The following JMJD1C variants were observed in gnomAD, a reference collection of about 807,000 sequenced individuals.
JMJD1C encodes the protein jumonji domain-containing protein 1C.
A neutral mutation model predicts 245.3 loss-of-function variants in JMJD1C; 31 were observed. That is an observed-to-expected ratio of 0.13 (90% CI 0.09 to 0.17). The LOEUF is 0.17. Among genes scored for constraint, JMJD1C ranks in the 10% least tolerant of loss-of-function variants. The pLI is 1.00. For missense variants in JMJD1C, 2,691 were observed against 3,000.2 expected, an observed-to-expected ratio of 0.90 and a Z score of 2.41; for synonymous variants, 1,057 against 1,017.4, an observed-to-expected ratio of 1.04 and a Z score of -0.74.
At position 63,332,632 on chromosome 10, in the gene JMJD1C, A is replaced by G. The variant is rs564060238; in HGVS notation, c.333+47686T>C. 2.6e-5 allele frequency among the ~76,000 whole-genome samples: 4 copies of G among 152,348 alleles called. No individual in the cohort carries two copies. In the South Asian group the frequency reaches 8.3e-4, roughly 32 times the overall value. On this transcript the variant is annotated intron_variant, in intron 2 of 25. Transcript: ENST00000399262. ...TCCAGGTTTCTCAATTACAAAACGG[A>G]GATATCTTACATGTTACTTAAATGC... is the stretch of plus-strand genomic sequence containing the variant.
chr10:63,169,051 G>A (rs1188153802), intron 24 of JMJD1C, among the ~76,000 whole-genome samples: 1 of 152,168 alleles, frequency 6.6e-6, no homozygotes, highest in African/African-American at 2.4e-5. Context: ...GGAAAATGTA[G>A]TCCCAGACAG....
chr10:63,328,287 A>G (rs1212323048), intron 2 of JMJD1C, among the ~76,000 whole-genome samples: 18 of 151,390 alleles, frequency 1.2e-4, no homozygotes, highest in Admixed American at 1.1e-3. Context: ...AAGAAAAAAA[A>G]AAAGAAAGAA....
chr10:63,287,129 T>C (rs1341247760), intron 2 of JMJD1C, among the ~76,000 whole-genome samples: 1 of 152,142 alleles, frequency 6.6e-6, no homozygotes. Flanking sequence ...TTGCAATACA[T>C]ACAAACCCCA....
intron 1 of JMJD1C, among the ~76,000 whole-genome samples, chr10:63,386,052 C>T (rs768688327): frequency 5.3e-5 from 8 of 151,974 alleles, no homozygotes; most frequent in Non-Finnish European, 8.8e-5. Context: ...TCTTTGGATG[C>T]AGGCTAACCC....
At chr10:63,354,049 C>T (rs10761749) in intron 2 of JMJD1C, among the ~76,000 whole-genome samples, 93,055 of 151,898 alleles carry the variant, frequency 0.61, 31,160 homozygotes, top group Non-Finnish European at 0.77. Flanking sequence ...CCATGTTGGC[C>T]AGGATGGTCT....
At chr10:63,312,573 C>T (rs1384424266) in intron 2 of JMJD1C, among the ~76,000 whole-genome samples, 3 of 152,060 alleles carry the variant, frequency 2.0e-5, no homozygotes, top group African/African-American at 4.8e-5. Context: ...TTCTTTCTTA[C>T]AAGGATTGAA....
At chr10:63,335,445 T>C (rs933999331) in intron 2 of JMJD1C, among the ~76,000 whole-genome samples, 1 of 152,224 alleles carries the variant, frequency 6.6e-6, no homozygotes, top group Non-Finnish European at 1.5e-5. Context: ...AGAAAATTGA[T>C]TCCAAATATA....
intron 10 of JMJD1C, among the ~76,000 whole-genome samples, chr10:63,206,248 G>A (rs1846604294): frequency 6.6e-6 from 1 of 152,078 alleles, no homozygotes; most frequent in African/African-American, 2.4e-5. Context: ...TCCACTTTTG[G>A]TGTGACAGCC....
intron 1 of JMJD1C, among the ~76,000 whole-genome samples, chr10:63,408,127 G>A (rs1431508137): frequency 6.6e-6 from 1 of 152,084 alleles, no homozygotes; most frequent in Non-Finnish European, 1.5e-5. Context: ...AAAATCACCT[G>A]GTGCAGTGGC....
chr10:63,225,463 A>T (rs1030206300), intron 3 of JMJD1C, among the ~76,000 whole-genome samples: 5 of 152,096 alleles, frequency 3.3e-5, no homozygotes, highest in Non-Finnish European at 5.9e-5. Context: ...CATTAGTGAG[A>T]CACCTTAATG....
At chr10:63,379,084 A>C (rs1046639560) in intron 2 of JMJD1C, among the ~76,000 whole-genome samples, 1 of 152,116 alleles carries the variant, frequency 6.6e-6, no homozygotes, top group African/African-American at 2.4e-5. Context: ...AAGAATAATC[A>C]AATAAACAGA....
intron 3 of JMJD1C, among the ~76,000 whole-genome samples, chr10:63,263,286 T>C (rs1195994549): frequency 3.3e-5 from 5 of 152,268 alleles, no homozygotes; most frequent in Admixed American, 1.3e-4. Context: ...CAAGAGCACA[T>C]CTATATAGAC....
At chr10:63,348,226 A>G (rs1944025853) in intron 2 of JMJD1C, among the ~76,000 whole-genome samples, 2 of 148,700 alleles carry the variant, frequency 1.3e-5, no homozygotes. Flanking sequence ...AAAAAAAGGC[A>G]TTCAAATGTC....
intron 3 of JMJD1C, among the ~76,000 whole-genome samples, chr10:63,238,546 G>A (rs1045838574): frequency 6.6e-6 from 1 of 152,072 alleles, no homozygotes; most frequent in South Asian, 2.1e-4. Context: ...AATACTCATG[G>A]TTATCTTTAT....
chr10:63,318,637 G>C (rs1295372052), intron 2 of JMJD1C, among the ~76,000 whole-genome samples: 1 of 151,638 alleles, frequency 6.6e-6, no homozygotes, highest in South Asian at 2.1e-4. Flanking sequence ...AACATTCCTG[G>C]GACATCAATA....
intron 1 of JMJD1C, among the ~76,000 whole-genome samples, chr10:63,398,924 C>T (rs542968285): frequency 4.8e-4 from 73 of 152,258 alleles, no homozygotes; most frequent in African/African-American, 1.7e-3. Context: ...TGGCATTACA[C>T]GTGGGAGCCA....
chr10:63,512,125 T>C (rs372062227), intron 1 of JMJD1C, among the ~76,000 whole-genome samples: 1 of 152,232 alleles, frequency 6.6e-6, no homozygotes, highest in Non-Finnish European at 1.5e-5. Flanking sequence ...CTAAGTACCA[T>C]GTATAGATAC....
At chr10:63,453,820 C>A (rs1037052493) in intron 1 of JMJD1C, among the ~76,000 whole-genome samples, 4 of 152,142 alleles carry the variant, frequency 2.6e-5, no homozygotes, top group Non-Finnish European at 4.4e-5. Flanking sequence ...CTCACTGCAA[C>A]CTCCGCCTCC....
intron 1 of JMJD1C, among the ~76,000 whole-genome samples, chr10:63,513,393 C>A (rs758564908): frequency 4.6e-5 from 7 of 152,112 alleles, no homozygotes; most frequent in Non-Finnish European, 8.8e-5. Flanking sequence ...TGGGCACTGG[C>A]ACCTTGGGAA....
Sources: gnomAD v4.1 joint callset for allele counts (sites outside exome capture counted in the v4.1 genomes callset) on GRCh38, gnomAD v4.1.1 for gene constraint, MANE v1.5 for transcripts, NCBI Gene and HGNC (gene_info 2026-07-23, HGNC 2026-07-21) for gene names.